Variants in PDE10A observed in about 807,000 individuals in gnomAD.
PDE10A encodes the protein phosphodiesterase 10A, also known as cAMP and cAMP-inhibited cGMP 3',5'-cyclic phosphodiesterase 10A.
Under a neutral mutation model 97.7 loss-of-function variants are expected in PDE10A, and 39 were observed. The observed-to-expected ratio is 0.40, with a 90% confidence interval of 0.31 to 0.52. The LOEUF (loss-of-function observed/expected upper bound fraction) is 0.52, where lower values mean the gene tolerates loss of function less well. Among genes scored for constraint, PDE10A ranks in the 20% least tolerant of loss-of-function variants. The probability of loss-of-function intolerance (pLI) is 0.56; values close to 1 mark genes in which losing one functional copy is unlikely to be tolerated. For missense variants in PDE10A, 731 were observed against 1,047.8 expected, an observed-to-expected ratio of 0.70 and a Z score of 4.17; for synonymous variants, 371 against 376.8, an observed-to-expected ratio of 0.98 and a Z score of 0.18.
At chr6:165,721,446 G>T (rs1306111717) in intron 1 of PDE10A, among the ~76,000 whole-genome samples, 1 of 152,196 alleles carries the variant, frequency 6.6e-6, no homozygotes, top group Non-Finnish European at 1.5e-5. Flanking sequence ...AGACCCAAGA[G>T]AATTTCCTGA....
intron 1 of PDE10A, chr6:165,780,429 T>G (rs568406612): frequency 6.6e-6 from 1 of 152,368 alleles, no homozygotes; most frequent in South Asian, 2.1e-4. Context: ...GCCTGTTTTA[T>G]GGAGAATAAA....
intron 1 of PDE10A, among the ~76,000 whole-genome samples, chr6:165,794,623 G>A (rs780096150): frequency 2.0e-5 from 3 of 151,492 alleles, no homozygotes; most frequent in Non-Finnish European, 2.9e-5. Flanking sequence ...ACATACACAT[G>A]TATCTCACAC....
chr6:165,818,080 G>T (rs955529326), intron 1 of PDE10A, among the ~76,000 whole-genome samples: 2 of 152,258 alleles, frequency 1.3e-5, no homozygotes, highest in South Asian at 2.1e-4. Context: ...TAGACAGAAC[G>T]CTCAATTGTG....
intron 1 of PDE10A, among the ~76,000 whole-genome samples, chr6:165,784,761 G>C (rs1386889949): frequency 6.6e-6 from 1 of 152,126 alleles, no homozygotes; most frequent in African/African-American, 2.4e-5. Context: ...ATCCGTAATA[G>C]GGTTTGCATG....
intron 17 of PDE10A, 59 bp from the exon 18 acceptor site, chr6:165,379,425 C>T: frequency 7.4e-7 from 1 of 1,345,596 alleles, no homozygotes; most frequent in Non-Finnish European, 1.0e-6. Context: ...AATCTTATGA[C>T]ATTTTTAGTT....
Position 165,353,101 on chromosome 6 carries a change from C to G in PDE10A, c.2784-9599G>C, listed in dbSNP as rs148453801. Among the ~76,000 whole-genome samples the G allele has an allele frequency of 4.6e-3, 701 of 152,262 alleles. 8 individuals carry two copies. The highest frequency in any genetic ancestry group is 0.016 in the African/African-American group (654 of 41,558). On this transcript the variant is annotated intron_variant, in intron 18 of 21. Transcript: ENST00000539869. ...AAGTATTTGAAAAGATGGTCCACAT[C>G]ATATGTCATCATAAATATGCAGATT...
intron 2 of PDE10A, among the ~76,000 whole-genome samples, chr6:165,518,790 G>A (rs575738392): frequency 3.9e-5 from 6 of 152,194 alleles, no homozygotes; most frequent in East Asian, 1.9e-4. Flanking sequence ...TTTGCCATCC[G>A]ACCTCAAACT....
At chr6:165,987,385 C>G (rs1021810883) in intron 1 of PDE10A, 2 of 316,730 alleles carry the variant, frequency 6.3e-6, no homozygotes, top group African/African-American at 2.2e-5. Context: ...ACCACACACG[C>G]GCACACGTTT....
intron 1 of PDE10A, among the ~76,000 whole-genome samples, chr6:165,852,326 G>T (rs116959524): frequency 1.3e-5 from 2 of 152,204 alleles, no homozygotes; most frequent in Non-Finnish European, 2.9e-5. Context: ...GCATGTGGAC[G>T]TAGTTTCAAA....
chr6:165,441,383 C>A (rs1488161820), intron 5 of PDE10A, among the ~76,000 whole-genome samples: 1 of 152,138 alleles, frequency 6.6e-6, no homozygotes, highest in Non-Finnish European at 1.5e-5. Context: ...GTATGCTCAG[C>A]AATTTAGCAC....
At position 165,341,089 on chromosome 6, in the gene PDE10A, G is replaced by A. The variant is rs1341535889; in HGVS notation, c.2896-1731C>T. Among the ~76,000 whole-genome samples, 3 of 152,238 alleles carry A rather than the reference G, an allele frequency of 2.0e-5. No individual in the cohort carries two copies. The East Asian group carries it at 5.8e-4, about 29-fold the overall frequency. ...GAAAGTTGCAGTACTCAAGGCATGA[G>A]TTGGTGATGACCTGAAGAGGGGAAA... On this transcript the variant is annotated intron_variant, in intron 19 of 21. Transcript: ENST00000539869.
intron 1 of PDE10A, among the ~76,000 whole-genome samples, chr6:165,683,686 C>T (rs890823531): frequency 6.6e-6 from 1 of 152,194 alleles, no homozygotes; most frequent in African/African-American, 2.4e-5. Context: ...GCCACAGTCT[C>T]CTGGAGGCCC....
chr6:165,697,052 C>A (rs1791460114), intron 1 of PDE10A, among the ~76,000 whole-genome samples: 1 of 152,058 alleles, frequency 6.6e-6, no homozygotes, highest in Non-Finnish European at 1.5e-5. Flanking sequence ...AGAGAGGTGC[C>A]ATTAAACATA....
chr6:165,707,433 G>C (rs1482969098), intron 1 of PDE10A, among the ~76,000 whole-genome samples: 1 of 152,194 alleles, frequency 6.6e-6, no homozygotes, highest in Non-Finnish European at 1.5e-5. Flanking sequence ...ATCCCTCAGA[G>C]GCCTCACCTC....
At chr6:165,395,157 A>G (rs1276150922) in intron 15 of PDE10A, 24 bp downstream of exon 15, 4 of 1,509,714 alleles carry the variant, frequency 2.6e-6, no homozygotes, top group Non-Finnish European at 3.7e-6. Flanking sequence ...TATTTCAAAA[A>G]GTAAATTTTA....
chr6:165,357,660 T>C (rs777206113), intron 18 of PDE10A, among the ~76,000 whole-genome samples: 2 of 152,166 alleles, frequency 1.3e-5, no homozygotes, highest in Non-Finnish European at 2.9e-5. Flanking sequence ...GCATATTATT[T>C]ATAATACTCT....
chr6:165,347,031 AAC>A (rs1258658586), intron 18 of PDE10A, among the ~76,000 whole-genome samples: 1 of 152,166 alleles, frequency 6.6e-6, no homozygotes, highest in Non-Finnish European at 1.5e-5. Context: ...AAAATAAAGT[AAC>A]ACATAGAATT....
At chr6:165,630,700 T>C (rs1335929128) in intron 1 of PDE10A, among the ~76,000 whole-genome samples, 1 of 152,168 alleles carries the variant, frequency 6.6e-6, no homozygotes, top group Admixed American at 6.5e-5. Context: ...CTGTAAATTC[T>C]TGGAGATACA....
chr6:165,527,825 G>A (rs1359100780), intron 2 of PDE10A, among the ~76,000 whole-genome samples: 4 of 152,148 alleles, frequency 2.6e-5, no homozygotes, highest in Non-Finnish European at 4.4e-5. Context: ...CTGTCAGTCT[G>A]TACCGATGGC....
Sources: allele counts gnomAD v4.1 joint callset (sites outside exome capture counted in the v4.1 genomes callset), GRCh38; gene constraint gnomAD v4.1.1; transcripts MANE v1.5; gene names NCBI Gene and HGNC (gene_info 2026-07-23, HGNC 2026-07-21).